Variants in STAG2 observed in about 807,000 individuals in gnomAD.
STAG2 encodes the protein STAG2 cohesin complex component.
In STAG2, 14 loss-of-function variants were observed where a neutral mutation model predicts 108.1. The observed-to-expected ratio is 0.13, with a 90% CI of 0.09 to 0.20. The LOEUF is 0.20. Among genes scored for constraint, STAG2 ranks in the 10% least tolerant of loss-of-function variants. STAG2 has a pLI of 1.00. For missense variants in STAG2, 440 were observed against 940.9 expected, an observed-to-expected ratio of 0.47 and a Z score of 6.96; for synonymous variants, 307 against 302.7, an observed-to-expected ratio of 1.01 and a Z score of -0.15.
chrX:124,029,233 G>A (rs1188869377), intron 4 of STAG2, among the ~76,000 whole-genome samples: 1 of 107,980 alleles, frequency 9.3e-6, no homozygotes, highest in Non-Finnish European at 1.9e-5. Context: ...TAGCCAGGAT[G>A]GTCTCGATCT....
chrX:123,968,062 G>A (rs777362974), intron 1 of STAG2, among the ~76,000 whole-genome samples: 26 of 110,187 alleles, frequency 2.4e-4, no homozygotes, highest in African/African-American at 7.9e-4. Flanking sequence ...CACCATACCC[G>A]GCTAATCTTT....
At chrX:124,063,749 C>G (rs1054047037) in intron 19 of STAG2, 99 bp from the exon 20 acceptor site, 28 of 632,453 alleles carry the variant, frequency 4.4e-5, no homozygotes, top group Non-Finnish European at 6.5e-5. Context: ...TGTAGACTTA[C>G]TGTATTTGAA....
At chrX:123,964,960 CTTTTTTT>C (rs33913146) in intron 1 of STAG2, among the ~76,000 whole-genome samples, 2 of 80,142 alleles carry the variant, frequency 2.5e-5, no homozygotes, top group African/African-American at 4.8e-5. Flanking sequence ...AGGTAAGTGC[CTTTTTTT>C]TTTTTTTTTT....
chrX:124,022,264 G>A (rs1003572581), intron 2 of STAG2, among the ~76,000 whole-genome samples: 1 of 109,897 alleles, frequency 9.1e-6, no homozygotes, highest in African/African-American at 3.3e-5. Context: ...TCAGCTACTC[G>A]GGAGGCTGAG....
intron 1 of STAG2, among the ~76,000 whole-genome samples, chrX:124,004,371 A>G (rs1426751425): frequency 8.9e-6 from 1 of 112,024 alleles, no homozygotes. Flanking sequence ...AGCCCAAGAT[A>G]ACCAACCACC....
At chrX:124,006,754 A>G (rs1421273847) in intron 1 of STAG2, among the ~76,000 whole-genome samples, 1 of 109,928 alleles carries the variant, frequency 9.1e-6, no homozygotes, top group Non-Finnish European at 1.9e-5. Context: ...CTATTTTTTT[A>G]TTTTGGCAAT....
Position 124,055,948 on chromosome X carries a change from T to G in STAG2, c.1197-180T>G, listed in dbSNP as rs138019381. On this transcript the variant is annotated intron_variant, in intron 13 of 34. Coordinates refer to ENST00000371145, the MANE Select transcript of STAG2 (RefSeq NM_001042750.2). ...ATTCACTTTTAATTTTACCTGCCATTTATCTTTGATAGATTTTGGTAGATG... is the reference window on the plus strand; with the variant it reads ...ATTCACTTTTAATTTTACCTGCCATGTATCTTTGATAGATTTTGGTAGATG... Among the ~76,000 whole-genome samples, 7 of 112,008 alleles carry G rather than the reference T, an allele frequency of 6.2e-5. No individual in the cohort carries two copies. The East Asian group carries it at 1.9e-3, about 31-fold the overall frequency.
intron 1 of STAG2, among the ~76,000 whole-genome samples, chrX:123,965,264 C>T (rs2054044943): frequency 8.9e-6 from 1 of 111,800 alleles, no homozygotes; most frequent in African/African-American, 3.3e-5. Flanking sequence ...AGGATTGTGG[C>T]ATCAGATTTA....
chrX:124,099,564 T>G (rs1214108966), intron 34 of STAG2, among the ~76,000 whole-genome samples: 1 of 111,212 alleles, frequency 9.0e-6, no homozygotes, highest in Non-Finnish European at 1.9e-5. Flanking sequence ...AAACACTACT[T>G]GATAATTCAT....
intron 34 of STAG2, chrX:124,097,695 G>A (rs147756162): frequency 5.9e-5 from 20 of 339,932 alleles, no homozygotes; most frequent in African/African-American, 5.2e-4. Flanking sequence ...GAAAGGTAAT[G>A]GGAATTTCCA....
intron 13 of STAG2, among the ~76,000 whole-genome samples, chrX:124,052,118 G>A (rs1002175976): frequency 1.8e-5 from 2 of 112,023 alleles, no homozygotes; most frequent in African/African-American, 6.5e-5. Flanking sequence ...CCTATTCTGT[G>A]TTAATATCTG....
chrX:124,016,462 T>A (rs1234365440), intron 1 of STAG2, among the ~76,000 whole-genome samples: 1 of 112,375 alleles, frequency 8.9e-6, no homozygotes, highest in Non-Finnish European at 1.9e-5. Context: ...TTATTATGTC[T>A]GTTTACCCAC....
At chrX:124,000,372 A>G (rs922154247) in intron 1 of STAG2, among the ~76,000 whole-genome samples, 38 of 111,632 alleles carry the variant, frequency 3.4e-4, no homozygotes, top group African/African-American at 1.2e-3. Flanking sequence ...ATGTACTATT[A>G]CTTATAACAA....
chrX:124,021,915 A>C (rs2056939998), intron 2 of STAG2, among the ~76,000 whole-genome samples: 1 of 111,637 alleles, frequency 9.0e-6, no homozygotes, highest in Non-Finnish European at 1.9e-5. Context: ...TTTCAGGACC[A>C]GTAAGAGTCA....
intron 15 of STAG2, among the ~76,000 whole-genome samples, chrX:124,058,622 G>C (rs761561464): frequency 1.2e-4 from 13 of 112,231 alleles, no homozygotes; most frequent in African/African-American, 4.2e-4. Context: ...GTAAAAAGAT[G>C]GGTAATAAAT....
At chrX:124,056,930 G>A (rs186484722) in intron 14 of STAG2, among the ~76,000 whole-genome samples, 1 of 103,871 alleles carries the variant, frequency 9.6e-6, no homozygotes, top group Non-Finnish European at 2.0e-5. Flanking sequence ...TCTCTCTGTT[G>A]CCCAGGCTGG....
At chrX:124,095,580 G>A in intron 34 of STAG2, 131 bp downstream of exon 34, 1 of 500,374 alleles carries the variant, frequency 2.0e-6, no homozygotes, top group South Asian at 3.1e-5. Context: ...AAAAGAGGCA[G>A]GCAGGCAGGA....
At chrX:124,076,918 C>G (rs1458689313) in intron 26 of STAG2, among the ~76,000 whole-genome samples, 1 of 110,568 alleles carries the variant, frequency 9.0e-6, no homozygotes, top group Non-Finnish European at 1.9e-5. Flanking sequence ...AGGTTTTCCC[C>G]TTTGGTTCTC....
At chrX:124,033,593 C>A (rs964112111) in intron 5 of STAG2, among the ~76,000 whole-genome samples, 3 of 110,738 alleles carry the variant, frequency 2.7e-5, no homozygotes, top group Non-Finnish European at 5.7e-5. Context: ...GAAACCCAGT[C>A]TCTACTAAAA....
Sources: gnomAD v4.1 joint callset for allele counts (sites outside exome capture counted in the v4.1 genomes callset) on GRCh38, gnomAD v4.1.1 for gene constraint, MANE v1.5 for transcripts, NCBI Gene and HGNC (gene_info 2026-07-23, HGNC 2026-07-21) for gene names.